The following PRKG1 variants were observed in gnomAD, a reference collection of about 807,000 sequenced individuals.
PRKG1 encodes the protein protein kinase cGMP-dependent 1.
Under a neutral mutation model 88.1 loss-of-function variants are expected in PRKG1, and 35 were observed. That is an observed-to-expected ratio of 0.40 (90% CI 0.30 to 0.53). PRKG1 has a LOEUF of 0.53. Among genes scored for constraint, PRKG1 ranks in the 20% least tolerant of loss-of-function variants. PRKG1 has a pLI of 0.59. For missense variants in PRKG1, 540 were observed against 839.8 expected (o/e 0.64, Z 4.41); for synonymous variants, 303 against 292.5 (o/e 1.04, Z -0.37).
intron 2 of PRKG1, among the ~76,000 whole-genome samples, chr10:51,375,759 G>GT (rs1045349869): frequency 2.9e-5 from 4 of 139,532 alleles, no homozygotes; most frequent in African/African-American, 5.4e-5. Flanking sequence ...GGTGGTGGGG[G>GT]GGTGTTACTA....
At position 52,099,432 on chromosome 10, in the gene PRKG1, C is replaced by T. The variant is rs142261671; in HGVS notation, c.936-34408C>T. ...TTCCCTGTGATAAGTCTTAGAAAGA[C>T]CACTTTGTCTTAGCATCATTCTCTA... On this transcript the variant is annotated intron_variant, in intron 7 of 17. Transcript: ENST00000373980. Among the ~76,000 whole-genome samples the T allele has an allele frequency of 2.6e-4, 39 of 152,282 alleles. No individual in the cohort carries two copies. The East Asian group carries it at 7.1e-3, about 28-fold the overall frequency.
In PRKG1 at chr10:51,015,111, C is replaced by T. The variant is rs2132727850; in HGVS notation, c.266+23467C>T. Among the ~76,000 whole-genome samples the T allele has an allele frequency of 1.3e-5, 2 of 152,320 alleles. 1 individual carries two copies. ...ATATTTCTATGGAATGGCCTTCTGG[C>T]TGAATAAAATCTCTTTTTAAATGAG... On this transcript the variant is annotated intron_variant, in intron 1 of 17. Transcript: ENST00000401604.
intron 4 of PRKG1, among the ~76,000 whole-genome samples, chr10:51,859,858 C>T (rs79554353): frequency 0.061 from 9,276 of 152,208 alleles, 321 homozygotes; most frequent in South Asian, 0.076. Flanking sequence ...TGGTAATTTT[C>T]ATATATGCTT....
chr10:51,968,615 G>A (rs1321954791), intron 5 of PRKG1, among the ~76,000 whole-genome samples: 1 of 151,960 alleles, frequency 6.6e-6, no homozygotes, highest in African/African-American at 2.4e-5. Context: ...GAGGTCAAGA[G>A]TTCGAGACCA....
At chr10:51,901,388 G>A (rs184125215) in intron 4 of PRKG1, among the ~76,000 whole-genome samples, 120 of 152,290 alleles carry the variant, frequency 7.9e-4, no homozygotes, top group African/African-American at 2.7e-3. Context: ...GTGCAGACAG[G>A]ATCTTAACTC....
chr10:51,566,442 G>T (rs1025080183), intron 3 of PRKG1, among the ~76,000 whole-genome samples: 1 of 152,078 alleles, frequency 6.6e-6, no homozygotes, highest in African/African-American at 2.4e-5. Context: ...TGTTCCAGAC[G>T]CTGCTCTGAG....
chr10:51,572,665 G>C (rs1358373556), intron 3 of PRKG1, among the ~76,000 whole-genome samples: 1 of 151,798 alleles, frequency 6.6e-6, no homozygotes, highest in Non-Finnish European at 1.5e-5. Flanking sequence ...GAAACTCTGG[G>C]ATCAGGCCAG....
At chr10:51,443,744 A>G (rs1362902653) in intron 2 of PRKG1, among the ~76,000 whole-genome samples, 1 of 152,032 alleles carries the variant, frequency 6.6e-6, no homozygotes, top group Non-Finnish European at 1.5e-5. Context: ...GGGAACTTTA[A>G]GAGCTACAGA....
chr10:51,870,312 T>C (rs1321277333), intron 4 of PRKG1, among the ~76,000 whole-genome samples: 1 of 152,138 alleles, frequency 6.6e-6, no homozygotes, highest in Non-Finnish European at 1.5e-5. Flanking sequence ...AAAATTTCTT[T>C]ATAAAAGACG....
chr10:51,761,488 A>G (rs559399384), intron 3 of PRKG1, among the ~76,000 whole-genome samples: 8 of 152,320 alleles, frequency 5.3e-5, no homozygotes, highest in African/African-American at 1.9e-4. Context: ...TTTGTAGAAA[A>G]TGTATTTTGG....
intron 3 of PRKG1, among the ~76,000 whole-genome samples, chr10:51,582,414 C>T (rs1838063784): frequency 6.6e-6 from 1 of 152,138 alleles, no homozygotes; most frequent in Admixed American, 6.6e-5. Context: ...CTACACCTCT[C>T]AACCCATCAC....
At chr10:52,022,652 T>A (rs1443700793) in intron 5 of PRKG1, among the ~76,000 whole-genome samples, 2 of 152,186 alleles carry the variant, frequency 1.3e-5, no homozygotes, top group Non-Finnish European at 2.9e-5. Flanking sequence ...CAATAGTGTA[T>A]GGTATAGCTC....
At chr10:51,325,163 C>G (rs1841557207) in intron 2 of PRKG1, among the ~76,000 whole-genome samples, 1 of 151,950 alleles carries the variant, frequency 6.6e-6, no homozygotes, top group Non-Finnish European at 1.5e-5. Flanking sequence ...ACCTGTTTGC[C>G]ATTTGTAGCT....
At chr10:51,666,492 T>A (rs574426992) in intron 3 of PRKG1, among the ~76,000 whole-genome samples, 2 of 152,330 alleles carry the variant, frequency 1.3e-5, no homozygotes, top group East Asian at 3.9e-4. Flanking sequence ...TTTTCCTTAT[T>A]CCATTATGCT....
chr10:51,821,810 A>G (rs531534873), intron 4 of PRKG1, among the ~76,000 whole-genome samples: 3 of 152,142 alleles, frequency 2.0e-5, no homozygotes, highest in African/African-American at 7.2e-5. Flanking sequence ...AAACTCATGC[A>G]TATGGTCAGT....
chr10:51,769,336 A>G (rs902446227), intron 3 of PRKG1, among the ~76,000 whole-genome samples: 8 of 152,204 alleles, frequency 5.3e-5, no homozygotes, highest in African/African-American at 1.9e-4. Context: ...GCCTACTACA[A>G]ATGCATGAAA....
At chr10:51,595,098 G>A (rs942057017) in intron 3 of PRKG1, among the ~76,000 whole-genome samples, 10 of 152,120 alleles carry the variant, frequency 6.6e-5, no homozygotes, top group African/African-American at 2.4e-4. Flanking sequence ...TGTAACCCCA[G>A]CATTTTGGAA....
At chr10:51,329,515 C>A (rs1841676219) in intron 2 of PRKG1, among the ~76,000 whole-genome samples, 1 of 152,276 alleles carries the variant, frequency 6.6e-6, no homozygotes, top group Admixed American at 6.5e-5. Flanking sequence ...CTTATTTTTA[C>A]CAGCGGGTTT....
intron 5 of PRKG1, among the ~76,000 whole-genome samples, chr10:51,929,971 T>C (rs1332370171): frequency 6.6e-6 from 1 of 152,182 alleles, no homozygotes; most frequent in African/African-American, 2.4e-5. Context: ...AAATCTCAGT[T>C]ACTGTAAGGT....
Sources: allele counts gnomAD v4.1 joint callset (sites outside exome capture counted in the v4.1 genomes callset), GRCh38; gene constraint gnomAD v4.1.1; transcripts MANE v1.5; gene names NCBI Gene and HGNC (gene_info 2026-07-23, HGNC 2026-07-21).